ABTB3: variants seen among roughly 807,000 people sequenced by gnomAD.
ABTB3 encodes ankyrin repeat- and BTB/POZ domain-containing protein 3.
chr12:107,556,993 C>T, the ABTB3 span, among the ~76,000 whole-genome samples: 2 of 151,886 alleles, frequency 1.3e-5, no homozygotes, highest in South Asian at 4.2e-4. Context: ...GTCTGTGCGA[C>T]AGAGTGAGAC....
the ABTB3 span, among the ~76,000 whole-genome samples, chr12:107,395,094 C>T: frequency 2.0e-5 from 3 of 152,238 alleles, no homozygotes; most frequent in South Asian, 2.1e-4. Flanking sequence ...GGCATCAGGA[C>T]GTGCTCCTTT....
At chr12:107,319,357 G>A in the ABTB3 span, 2 of 1,561,128 alleles carry the variant, frequency 1.3e-6, no homozygotes. Context: ...TGAGCCGGGC[G>A]CTGGTGCGCA....
At chr12:107,364,275 C>CTTTTTT in the ABTB3 span, among the ~76,000 whole-genome samples, 4 of 151,866 alleles carry the variant, frequency 2.6e-5, no homozygotes, top group Admixed American at 2.0e-4. Context: ...CTCTCAAATA[C>CTTTTTT]TTTTCTTTTT....
At chr12:107,427,313 G>T in the ABTB3 span, among the ~76,000 whole-genome samples, 2 of 150,820 alleles carry the variant, frequency 1.3e-5, no homozygotes, top group Non-Finnish European at 2.9e-5. Context: ...ACAGGATCTT[G>T]CTCTGTTGCC....
At chr12:107,636,642 GCTGT>G in the ABTB3 span, among the ~76,000 whole-genome samples, 42 of 152,296 alleles carry the variant, frequency 2.8e-4, no homozygotes, top group African/African-American at 3.6e-4. Context: ...TCAGTCAAAG[GCTGT>G]CTATCTTTCT....
At chr12:107,520,341 C>T in the ABTB3 span, 3 of 1,462,734 alleles carry the variant, frequency 2.1e-6, no homozygotes, top group Non-Finnish European at 1.8e-6. Flanking sequence ...AAAAGGAGTC[C>T]AGAGCGTTGG....
At chr12:107,611,855 A>G in the ABTB3 span, among the ~76,000 whole-genome samples, 2 of 152,230 alleles carry the variant, frequency 1.3e-5, no homozygotes, top group African/African-American at 4.8e-5. Flanking sequence ...TGCTGTTTAC[A>G]TATTAGGCAC....
At chr12:107,608,956 TATAA>T in the ABTB3 span, among the ~76,000 whole-genome samples, 507 of 65,982 alleles carry the variant, frequency 7.7e-3, 16 homozygotes, top group African/African-American at 0.033. Flanking sequence ...TAAAATAAAA[TATAA>T]AATAAAATAT....
At chr12:107,536,401 A>T in the ABTB3 span, among the ~76,000 whole-genome samples, 2 of 152,290 alleles carry the variant, frequency 1.3e-5, no homozygotes, top group East Asian at 3.9e-4. Flanking sequence ...GCCTATATCA[A>T]ATGAAAAAGC....
the ABTB3 span, among the ~76,000 whole-genome samples, chr12:107,370,595 G>C: frequency 6.6e-6 from 1 of 152,028 alleles, no homozygotes; most frequent in Admixed American, 6.6e-5. Flanking sequence ...CATGGTCTCT[G>C]GGTCACAGGC....
At chr12:107,318,865 GC>G in the ABTB3 span, 1 of 1,463,640 alleles carries the variant, frequency 6.8e-7, no homozygotes. Context: ...CTCTCCCCGC[GC>G]CCCGCGGCAC....
the ABTB3 span, among the ~76,000 whole-genome samples, chr12:107,339,839 T>C: frequency 5.9e-5 from 9 of 152,270 alleles, no homozygotes; most frequent in South Asian, 2.1e-4. Flanking sequence ...AACATCTTCA[T>C]AGACTCCAGC....
the ABTB3 span, among the ~76,000 whole-genome samples, chr12:107,380,046 C>T: frequency 5.3e-5 from 8 of 152,276 alleles, no homozygotes; most frequent in African/African-American, 1.4e-4. Flanking sequence ...CCTGGCATTG[C>T]GCGATGCTGT....
chr12:107,418,808 C>T, the ABTB3 span, among the ~76,000 whole-genome samples: 1 of 152,182 alleles, frequency 6.6e-6, no homozygotes, highest in African/African-American at 2.4e-5. Flanking sequence ...GAGCAGTTTT[C>T]CAACCTAAAA....
the ABTB3 span, among the ~76,000 whole-genome samples, chr12:107,373,709 G>A: frequency 6.6e-6 from 1 of 152,282 alleles, no homozygotes; most frequent in East Asian, 1.9e-4. Context: ...TGTGCCCAAT[G>A]TCACACAGCC....
chr12:107,407,877 A>G, the ABTB3 span, among the ~76,000 whole-genome samples: 1 of 151,878 alleles, frequency 6.6e-6, no homozygotes, highest in Admixed American at 6.6e-5. Flanking sequence ...TCTCCCATCT[A>G]TGCCTGGGGA....
the ABTB3 span, among the ~76,000 whole-genome samples, chr12:107,379,118 T>C: frequency 6.6e-6 from 1 of 152,152 alleles, no homozygotes; most frequent in Non-Finnish European, 1.5e-5. Context: ...TTCTATATAA[T>C]TGGGATAATA....
the ABTB3 span, among the ~76,000 whole-genome samples, chr12:107,372,860 G>T: frequency 1.3e-5 from 2 of 152,152 alleles, no homozygotes; most frequent in African/African-American, 4.8e-5. Context: ...TCCTGCCCTG[G>T]GAAGTGAGCT....
the ABTB3 span, among the ~76,000 whole-genome samples, chr12:107,529,716 A>T: frequency 2.0e-5 from 3 of 152,330 alleles, no homozygotes; most frequent in African/African-American, 7.2e-5. Context: ...ATTCTCACTT[A>T]CAGAGACATC....
Sources: gnomAD v4.1 joint callset for allele counts (sites outside exome capture counted in the v4.1 genomes callset) on GRCh38, gnomAD v4.1.1 for gene constraint, MANE v1.5 for transcripts, NCBI Gene and HGNC (gene_info 2026-07-23, HGNC 2026-07-21) for gene names.